The following PTPRS variants were observed in gnomAD, a reference collection of about 807,000 sequenced individuals.
PTPRS encodes the protein receptor-type tyrosine-protein phosphatase S.
PTPRS carries 63 observed loss-of-function variants against 215.3 expected under a neutral mutation model. That is an observed-to-expected ratio of 0.29 (90% confidence interval 0.24 to 0.36). The LOEUF (loss-of-function observed/expected upper bound fraction) is 0.36, where lower values mean the gene tolerates loss of function less well. Ranked by LOEUF, PTPRS falls within the 10% of genes least tolerant of loss-of-function variation. The pLI, the probability that PTPRS is intolerant of heterozygous loss-of-function variation, is 1.00. For missense variants in PTPRS, 2,258 were observed against 2,825.8 expected, an observed-to-expected ratio of 0.80 and a Z score of 4.56; for synonymous variants, 1,404 against 1,191.4, an observed-to-expected ratio of 1.18 and a Z score of -3.68.
intron 1 of PTPRS, among the ~76,000 whole-genome samples, chr19:5,304,421 G>A (rs569012966): frequency 3.4e-4 from 51 of 152,114 alleles, no homozygotes; most frequent in African/African-American, 1.1e-3. Context: ...TAGAGGTTGC[G>A]AGCTGAGATC....
intron 1 of PTPRS, among the ~76,000 whole-genome samples, chr19:5,299,908 G>A (rs1442093609): frequency 6.6e-6 from 1 of 151,320 alleles, no homozygotes; most frequent in Non-Finnish European, 1.5e-5. Context: ...AAAGAAAAAG[G>A]ACCACTAGCC....
At chr19:5,226,895 A>G (rs2042550955) in intron 16 of PTPRS, among the ~76,000 whole-genome samples, 1 of 152,066 alleles carries the variant, frequency 6.6e-6, no homozygotes, top group African/African-American at 2.4e-5. Flanking sequence ...CATCTTGTCT[A>G]TTGCATCTGT....
At chr19:5,252,739 T>C (rs1244174214) in intron 9 of PTPRS, among the ~76,000 whole-genome samples, 1 of 150,268 alleles carries the variant, frequency 6.7e-6, no homozygotes. Context: ...CCAGGCGTGG[T>C]GGAGGGCAAC....
At chr19:5,232,500 C>T (rs138568187) in intron 13 of PTPRS, among the ~76,000 whole-genome samples, 71 of 151,926 alleles carry the variant, frequency 4.7e-4, no homozygotes, top group African/African-American at 1.7e-3. Flanking sequence ...AATAGAAGCT[C>T]CATTTATTAA....
intron 1 of PTPRS, among the ~76,000 whole-genome samples, chr19:5,323,508 G>C (rs1298657700): frequency 6.6e-6 from 1 of 152,246 alleles, no homozygotes; most frequent in Non-Finnish European, 1.5e-5. Flanking sequence ...AAAGTGACCT[G>C]AGACGTGAAG....
intron 31 of PTPRS, 23 bp downstream of exon 31, chr19:5,212,314 G>C: frequency 6.2e-7 from 1 of 1,610,928 alleles, no homozygotes; most frequent in Non-Finnish European, 8.5e-7. Flanking sequence ...GGAAGCGGAT[G>C]GGGCAGAGTG....
chr19:5,260,794 G>A lies in PTPRS; in HGVS notation c.595+11C>T, dbSNP rs1466583685. ...GAGCGTGAGTGGGTGGGTGAGTGAG[G>A]AGCCTCTTACCTCGAATCGGAGTGC... On this transcript the variant is annotated intron_variant, in intron 7 of 37. Transcript: ENST00000262963. The A allele has an allele frequency of 1.9e-6, 3 of 1,613,778 alleles. No homozygotes were observed. The East Asian group carries it at 6.7e-5, about 36-fold the overall frequency.
intron 7 of PTPRS, among the ~76,000 whole-genome samples, chr19:5,259,558 T>TG (rs1173930178): frequency 1.8e-4 from 27 of 152,314 alleles, no homozygotes; most frequent in African/African-American, 5.3e-4. Flanking sequence ...CGTATGTTTG[T>TG]AATCACAGGC....
At chr19:5,267,658 A>AC (rs1197528778) in intron 4 of PTPRS, among the ~76,000 whole-genome samples, 186 of 151,026 alleles carry the variant, frequency 1.2e-3, no homozygotes, top group South Asian at 2.1e-3. Flanking sequence ...CTGTCTCAAA[A>AC]AAAAAAAAAA....
chr19:5,340,019 A>G (rs75255098), intron 1 of PTPRS, among the ~76,000 whole-genome samples: 11,587 of 151,564 alleles, frequency 0.076, 462 homozygotes, highest in Non-Finnish European at 0.098. Flanking sequence ...GACCTCCCAT[A>G]AGGCAACGAC....
chr19:5,234,547 G>A (rs904711525), intron 13 of PTPRS, among the ~76,000 whole-genome samples: 5 of 152,142 alleles, frequency 3.3e-5, no homozygotes, highest in Non-Finnish European at 1.5e-5. Flanking sequence ...ATCTACTATG[G>A]ACTGGGTACG....
intron 1 of PTPRS, among the ~76,000 whole-genome samples, chr19:5,331,050 C>T (rs572878225): frequency 1.3e-5 from 2 of 149,182 alleles, no homozygotes; most frequent in East Asian, 2.0e-4. Flanking sequence ...GTTGGGTGGA[C>T]GCTCAGGGAC....
intron 1 of PTPRS, among the ~76,000 whole-genome samples, chr19:5,336,241 T>A (rs2050496354): frequency 8.8e-6 from 1 of 113,060 alleles, no homozygotes; most frequent in African/African-American, 3.6e-5. Context: ...TGGTTGAGAG[T>A]CTTTTCTTTC....
intron 9 of PTPRS, among the ~76,000 whole-genome samples, chr19:5,255,202 C>T (rs2045455581): frequency 6.6e-6 from 1 of 152,186 alleles, no homozygotes; most frequent in African/African-American, 2.4e-5. Flanking sequence ...GAAAGAGGAG[C>T]TGGCCAGTGA....
Position 5,206,336 on chromosome 19 carries a change from G to C in PTPRS, c.*438C>G. On this transcript the variant is annotated 3_prime_UTR_variant, in exon 38 of 38. Transcript: ENST00000262963. ...GTTACACTGAGAGTTTTAAAAGAAA[G>C]CTGGATTCTGGTCCCAGCCCAGTGT... 1 of 232,026 alleles carries C rather than the reference G, an allele frequency of 4.3e-6. No homozygotes were observed. Among genetic ancestry groups the C allele is most frequent in the East Asian group, 6.2e-5 (1 of 16,130 alleles). The allele number at this position is 232,026 out of a possible 1,614,324, so 14.4% of individuals were successfully genotyped here.
At chr19:5,256,798 C>G (rs569113243) in intron 8 of PTPRS, among the ~76,000 whole-genome samples, 2 of 152,216 alleles carry the variant, frequency 1.3e-5, no homozygotes, top group East Asian at 3.9e-4. Flanking sequence ...TGCAAAACCC[C>G]AGGTCCAGGA....
At chr19:5,264,196 C>T (rs889346626) in intron 5 of PTPRS, among the ~76,000 whole-genome samples, 1 of 67,582 alleles carries the variant, frequency 1.5e-5, no homozygotes, top group African/African-American at 3.8e-5. Context: ...GAGAGACTCT[C>T]TCCCTGTAGT....
At chr19:5,261,363 C>T (rs2045979220) in intron 6 of PTPRS, among the ~76,000 whole-genome samples, 1 of 152,104 alleles carries the variant, frequency 6.6e-6, no homozygotes, top group Admixed American at 6.5e-5. Flanking sequence ...GGAAGGGTGT[C>T]ACAGACAGGC....
chr19:5,271,758 CTT>C (rs2046932406), intron 4 of PTPRS, among the ~76,000 whole-genome samples: 1 of 151,768 alleles, frequency 6.6e-6, no homozygotes, highest in Non-Finnish European at 1.5e-5. Context: ...GAGTTTCGCT[CTT>C]GTCGCCCAGG....
Sources: gnomAD v4.1 joint callset for allele counts (sites outside exome capture counted in the v4.1 genomes callset) on GRCh38, gnomAD v4.1.1 for gene constraint, MANE v1.5 for transcripts, NCBI Gene and HGNC (gene_info 2026-07-23, HGNC 2026-07-21) for gene names.